Variants in RARB observed in about 807,000 individuals in gnomAD.
The protein encoded by RARB is retinoic acid receptor beta, also known as HBV-activated protein.
A neutral mutation model predicts 51.9 loss-of-function variants in RARB; 17 were observed. That is an observed-to-expected ratio of 0.33 (90% CI 0.22 to 0.49). RARB has a LOEUF of 0.49. RARB is among the 20% of genes least tolerant of loss of function. RARB has a pLI of 0.99. For missense variants in RARB, 369 were observed against 550.8 expected (o/e 0.67, Z 3.30); for synonymous variants, 215 against 195.4 (o/e 1.10, Z -0.84).
intron 2 of RARB, among the ~76,000 whole-genome samples, chr3:25,049,665 G>A (rs536829098): frequency 6.6e-6 from 1 of 152,272 alleles, no homozygotes; most frequent in South Asian, 2.1e-4. Flanking sequence ...GCGATATAAA[G>A]AGAATACATG....
chr3:25,112,969 T>C (rs1240563513), intron 3 of RARB, among the ~76,000 whole-genome samples: 1 of 152,190 alleles, frequency 6.6e-6, no homozygotes, highest in East Asian at 1.9e-4. Flanking sequence ...TTAGTATAGA[T>C]CTGATTTTGT....
chr3:25,493,921 T>G lies in RARB; in HGVS notation c.307-7261T>G, dbSNP rs537157718. 5.9e-5 allele frequency among the ~76,000 whole-genome samples: 9 copies of G among 152,274 alleles called. 1 individual carries two copies. Among genetic ancestry groups the G allele is most frequent in the African/African-American group, 2.2e-4 (9 of 41,546 alleles). ...CCATTCAAAACACCACAGTATGAAT[T>G]CTCACAAGCAAATGTATGATTAAAT... On this transcript the variant is annotated intron_variant, in intron 2 of 7. Transcript: ENST00000330688.
chr3:25,579,625 A>C (rs1355722268), intron 4 of RARB, among the ~76,000 whole-genome samples: 1 of 152,200 alleles, frequency 6.6e-6, no homozygotes, highest in Non-Finnish European at 1.5e-5. Flanking sequence ...GTTAATGAGC[A>C]TTTGGGTTGA....
chr3:25,579,352 G>A (rs965200904), intron 4 of RARB, among the ~76,000 whole-genome samples: 1 of 152,142 alleles, frequency 6.6e-6, no homozygotes, highest in African/African-American at 2.4e-5. Flanking sequence ...GAGTTTCCTT[G>A]TGCACCTGTG....
At chr3:24,971,612 C>G (rs920401152) in intron 2 of RARB, among the ~76,000 whole-genome samples, 5 of 151,920 alleles carry the variant, frequency 3.3e-5, no homozygotes, top group African/African-American at 1.2e-4. Flanking sequence ...ACATTGGTAG[C>G]CTTCTAAAAA....
chr3:25,199,618 C>T (rs1365118782), intron 5 of RARB, among the ~76,000 whole-genome samples: 2 of 152,114 alleles, frequency 1.3e-5, no homozygotes, highest in African/African-American at 4.8e-5. Flanking sequence ...ACAACAGGCA[C>T]TGGTGTGTGA....
At chr3:25,470,988 A>C (rs1383638042) in intron 2 of RARB, among the ~76,000 whole-genome samples, 1 of 152,194 alleles carries the variant, frequency 6.6e-6, no homozygotes, top group Non-Finnish European at 1.5e-5. Context: ...AGTTATATCT[A>C]ATTATACAGT....
At chr3:25,442,311 T>G (rs1313855318) in intron 1 of RARB, among the ~76,000 whole-genome samples, 1 of 151,948 alleles carries the variant, frequency 6.6e-6, no homozygotes, top group African/African-American at 2.4e-5. Context: ...AATTTTTGTG[T>G]TTTTAGTAGA....
chr3:25,348,260 T>C (rs1705455396), intron 5 of RARB, among the ~76,000 whole-genome samples: 1 of 152,124 alleles, frequency 6.6e-6, no homozygotes, highest in African/African-American at 2.4e-5. Context: ...AACAGATATA[T>C]AAAACTAAAA....
chr3:25,083,334 T>G (rs942259919), intron 3 of RARB, among the ~76,000 whole-genome samples: 27 of 152,184 alleles, frequency 1.8e-4, no homozygotes, highest in African/African-American at 6.5e-4. Context: ...TAAAGCTCTA[T>G]TTTATTTCCA....
chr3:25,086,485 A>G (rs1031939352), intron 3 of RARB, among the ~76,000 whole-genome samples: 3 of 152,208 alleles, frequency 2.0e-5, no homozygotes, highest in African/African-American at 4.8e-5. Context: ...GGAAAGAATC[A>G]AACTCTGTAA....
At chr3:25,056,791 C>T (rs892620955) in intron 2 of RARB, among the ~76,000 whole-genome samples, 1 of 152,068 alleles carries the variant, frequency 6.6e-6, no homozygotes, top group Non-Finnish European at 1.5e-5. Context: ...AATTATTCAG[C>T]AAAATATAAT....
chr3:25,017,400 G>T (rs1324807678), intron 2 of RARB, among the ~76,000 whole-genome samples: 2 of 151,518 alleles, frequency 1.3e-5, no homozygotes, highest in Non-Finnish European at 2.9e-5. Context: ...GATTAAAGAA[G>T]ATTTTTCCCA....
chr3:25,595,827 CTGTT>C lies in RARB; in HGVS notation c.1151-589_1151-586del, dbSNP rs796829582. On this transcript the variant is annotated intron_variant, in intron 7 of 7. Transcript: ENST00000330688. Reference sequence around the variant, plus strand: ...TAGTCACTGCACATCGTGAACTCCTCTGTTTGTGGGTAACTGCCATCAACCTGTC... The same window carrying C: ...TAGTCACTGCACATCGTGAACTCCTCTGTGGGTAACTGCCATCAACCTGTC... 2.0e-3 allele frequency among the ~76,000 whole-genome samples: 299 copies of C among 152,330 alleles called. 3 individuals carry two copies. The highest frequency in any genetic ancestry group is 6.8e-3 in the African/African-American group (283 of 41,576).
At chr3:25,543,617 A>G (rs890851031) in intron 3 of RARB, among the ~76,000 whole-genome samples, 3 of 151,144 alleles carry the variant, frequency 2.0e-5, no homozygotes, top group African/African-American at 4.9e-5. Flanking sequence ...CCATTTGGGG[A>G]ACTATTAAGC....
At chr3:25,481,984 T>G (rs1415114364) in intron 2 of RARB, among the ~76,000 whole-genome samples, 1 of 152,144 alleles carries the variant, frequency 6.6e-6, no homozygotes, top group African/African-American at 2.4e-5. Flanking sequence ...GTTATGTAAC[T>G]TGTCTGAGAT....
intron 2 of RARB, among the ~76,000 whole-genome samples, chr3:24,886,945 G>C (rs909192092): frequency 1.2e-4 from 18 of 152,174 alleles, no homozygotes; most frequent in African/African-American, 4.3e-4. Context: ...TTCCCGTTGG[G>C]AGTTTTGCAT....
intron 2 of RARB, among the ~76,000 whole-genome samples, chr3:24,958,966 G>T (rs564522402): frequency 1.2e-3 from 182 of 152,290 alleles, no homozygotes; most frequent in Non-Finnish European, 5.4e-4. Context: ...CAGGTGAGCC[G>T]GTGCAGGAGG....
At chr3:25,012,578 C>T (rs761919396) in intron 2 of RARB, among the ~76,000 whole-genome samples, 3 of 152,086 alleles carry the variant, frequency 2.0e-5, no homozygotes, top group Non-Finnish European at 2.9e-5. Flanking sequence ...TGCAAAAGGC[C>T]TGGAAAGGAA....
Sources: gnomAD v4.1 joint callset for allele counts (sites outside exome capture counted in the v4.1 genomes callset) on GRCh38, gnomAD v4.1.1 for gene constraint, MANE v1.5 for transcripts, NCBI Gene and HGNC (gene_info 2026-07-23, HGNC 2026-07-21) for gene names.